PTK2B: variants seen among roughly 807,000 people sequenced by gnomAD.
PTK2B encodes the protein protein-tyrosine kinase 2-beta.
A neutral mutation model predicts 142.9 loss-of-function variants in PTK2B; 71 were observed. The observed-to-expected ratio is 0.50, with a 90% CI of 0.41 to 0.61. The LOEUF is 0.61. PTK2B is among the 20% of genes least tolerant of loss of function. PTK2B has a pLI of 0.00. For missense variants in PTK2B, 1,105 were observed against 1,320.4 expected (o/e 0.84, Z 2.53); for synonymous variants, 519 against 503.4 (o/e 1.03, Z -0.42).
upstream of PTK2B, among the ~76,000 whole-genome samples, chr8:27,321,997 CTT>C (rs549210899): frequency 2.1e-5 from 3 of 145,300 alleles, no homozygotes; most frequent in Admixed American, 6.9e-5. Context: ...TTCTTTGTCC[CTT>C]TTTTTTTTTA....
upstream of PTK2B, chr8:27,325,390 G>A (rs1209127426): frequency 2.0e-5 from 3 of 152,226 alleles, no homozygotes; most frequent in Admixed American, 6.5e-5. Context: ...AGGTCTGCCC[G>A]GCGCTCAGGG....
intron 2 of PTK2B, among the ~76,000 whole-genome samples, chr8:27,410,929 C>T (rs1809019586): frequency 6.6e-6 from 1 of 152,132 alleles, no homozygotes. Flanking sequence ...TTAATGTTTG[C>T]AAGAAAGCAT....
chr8:27,420,489 G>A (rs555686102), intron 3 of PTK2B, among the ~76,000 whole-genome samples, 168 bp from the exon 4 acceptor site: 2 of 152,168 alleles, frequency 1.3e-5, no homozygotes, highest in Non-Finnish European at 2.9e-5. Context: ...CAGCCCAACC[G>A]CAGAGGAGGG....
At chr8:27,441,465 T>C (rs1240507202) in intron 21 of PTK2B, among the ~76,000 whole-genome samples, 1 of 152,184 alleles carries the variant, frequency 6.6e-6, no homozygotes, top group Non-Finnish European at 1.5e-5. Context: ...TAATACTGAT[T>C]TTAAATACTG....
intron 23 of PTK2B, 98 bp from the exon 24 acceptor site, chr8:27,445,696 G>A: frequency 6.5e-7 from 1 of 1,538,450 alleles, no homozygotes; most frequent in South Asian, 1.1e-5. Context: ...TCCCTGTGGT[G>A]CTCATGCATA....
intron 13 of PTK2B, 50 bp from the exon 14 acceptor site, chr8:27,435,693 G>A (rs762819713): frequency 1.0e-5 from 16 of 1,603,270 alleles, no homozygotes; most frequent in Middle Eastern, 1.7e-4. Flanking sequence ...TCCTGGCGGT[G>A]CCCACCAAGG....
At position 27,315,782 on chromosome 8, in the gene PTK2B, A is replaced by G. The variant is rs545239249; in HGVS notation, c.-414+2495A>G. 7.9e-5 allele frequency among the ~76,000 whole-genome samples: 12 copies of G among 152,336 alleles called. No homozygotes were observed. In the South Asian group the frequency reaches 2.5e-3, roughly 32 times the overall value. On this transcript the variant is annotated intron_variant, in intron 3 of 35. Transcript: ENST00000397501. The stretch of plus-strand genomic sequence containing the variant: ...GGAAATCCAGAAAGGACTTAGTTCT[A>G]GTCCAAGCTCTACCACTACCCAGGG...
In PTK2B at chr8:27,397,754, A is replaced by G. The variant is rs778816972; in HGVS notation, c.170A>G (p.Lys57Arg). The stretch of plus-strand genomic sequence containing the variant: ...AGCTTCAATCCTGGGAAAAACTTCA[A>G]ACTGGTCAAATGCACTGTCCAGACG... The part of the protein sequence containing the change: ...SNSFNPGKNF[K>R]LVKCTVQTEI... Residue 57 changes from lysine (K) to arginine (R), a missense_variant, in exon 2 of 31, where the codon AAA (lysine) becomes AGA (arginine). By Grantham distance (26) the Lys-to-Arg change is conservative. Coordinates refer to ENST00000346049, the MANE Select transcript of PTK2B (RefSeq NM_173176.3). 2 of 1,614,250 alleles carry G rather than the reference A, an allele frequency of 1.2e-6. No individual in the cohort carries two copies. Among genetic ancestry groups the G allele is most frequent in the Non-Finnish European group, 1.7e-6 (2 of 1,180,032 alleles).
At chr8:27,360,612 G>C (rs901758318) in intron 1 of PTK2B, among the ~76,000 whole-genome samples, 3 of 150,972 alleles carry the variant, frequency 2.0e-5, no homozygotes, top group Non-Finnish European at 4.4e-5. Context: ...ACCCCATGGC[G>C]ATGCAATCAT....
rs376744941 is a variant in PTK2B, at chr8:27,442,861, G to T, written c.2040-14G>T. ...GACCTAGTTTCTCTCCTTATCTGACGTGACTCCCTGCAGTGACGTTTATCA... is the reference window on the plus strand; with the variant it reads ...GACCTAGTTTCTCTCCTTATCTGACTTGACTCCCTGCAGTGACGTTTATCA... On this transcript the variant is annotated splice_polypyrimidine_tract_variant and intron_variant, in intron 21 of 30. Transcript: ENST00000346049. 1.8e-5 allele frequency: 29 copies of T among 1,606,296 alleles called. No homozygotes were observed. The highest frequency in any genetic ancestry group is 1.6e-4 in the East Asian group (7 of 44,860).
intron 1 of PTK2B, among the ~76,000 whole-genome samples, chr8:27,332,316 T>C (rs1182124166): frequency 6.6e-6 from 1 of 152,192 alleles, no homozygotes. Flanking sequence ...GCCTCCCTAA[T>C]AGGGTAATGG....
chr8:27,369,171 T>A (rs1217772551), intron 1 of PTK2B, among the ~76,000 whole-genome samples: 2 of 152,190 alleles, frequency 1.3e-5, no homozygotes, highest in African/African-American at 4.8e-5. Context: ...CAACCTCCAC[T>A]TCCCTCTTCT....
chr8:27,373,479 C>T (rs539606457), intron 1 of PTK2B, among the ~76,000 whole-genome samples: 19 of 152,204 alleles, frequency 1.2e-4, no homozygotes, highest in Non-Finnish European at 2.6e-4. Context: ...GGAGAGGACC[C>T]GTTGCTCCTC....
In PTK2B at chr8:27,458,970, G is replaced by T. The variant is rs1335953198; in HGVS notation, c.*461G>T. ...CTTTGTTTTGGGGGTCAGGCAGCCAGTGAGATGAGGGATGGGCCTGGCATT... is the reference window on the plus strand; with the variant it reads ...CTTTGTTTTGGGGGTCAGGCAGCCATTGAGATGAGGGATGGGCCTGGCATT... On this transcript the variant is annotated 3_prime_UTR_variant, in exon 31 of 31. Transcript: ENST00000346049. The T allele has an allele frequency of 9.4e-6, 3 of 319,152 alleles. No homozygotes were observed. Among genetic ancestry groups the T allele is most frequent in the Non-Finnish European group, 1.8e-5 (3 of 169,442 alleles). The allele number at this position is 319,152 out of a possible 1,614,324, so 19.8% of individuals were successfully genotyped here. A position where few individuals can be genotyped will look rare whatever the true frequency, so the allele number is the denominator to read the frequency against.
intron 22 of PTK2B, among the ~76,000 whole-genome samples, chr8:27,443,609 TTCTTA>T (rs2132297486): frequency 6.6e-6 from 1 of 152,314 alleles, no homozygotes; most frequent in South Asian, 2.1e-4. Context: ...TTTCTTTCTC[TTCTTA>T]TAAGGGCTCC....
At chr8:27,440,176 G>A (rs2132230538) in intron 20 of PTK2B, 61 bp from the exon 21 acceptor site, 1 of 1,529,244 alleles carries the variant, frequency 6.5e-7, no homozygotes, top group Middle Eastern at 1.9e-4. Context: ...TGGCGATGGT[G>A]CTTCTGGGTG....
Position 27,418,284 on chromosome 8 carries a change from G to A in PTK2B, c.205-1611G>A, listed in dbSNP as rs530959377. Among the ~76,000 whole-genome samples the A allele has an allele frequency of 1.6e-4, 24 of 152,320 alleles. No homozygotes were observed. In the South Asian group the frequency reaches 1.7e-3, roughly 11 times the overall value. On this transcript the variant is annotated intron_variant, in intron 2 of 30. Transcript: ENST00000346049. ...AGGGCTAGCAAGAGGCAGTTAGCCC[G>A]AGACAGATGGGTGCCCAGGCAAGCA...
chr8:27,430,613 G>A (rs915530186), intron 7 of PTK2B, among the ~76,000 whole-genome samples, 195 bp downstream of exon 7: 2 of 152,260 alleles, frequency 1.3e-5, no homozygotes, highest in Middle Eastern at 3.4e-3. Context: ...CCTGGGCTCC[G>A]GCTCCGTATC....
intron 3 of PTK2B, among the ~76,000 whole-genome samples, chr8:27,316,288 G>A (rs955028399): frequency 6.7e-6 from 1 of 148,342 alleles, no homozygotes. Context: ...GGAGGAAATT[G>A]CCTTGTTTTT....
Sources: gnomAD v4.1 joint callset for allele counts (sites outside exome capture counted in the v4.1 genomes callset) on GRCh38, gnomAD v4.1.1 for gene constraint, MANE v1.5 for transcripts, NCBI Gene and HGNC (gene_info 2026-07-23, HGNC 2026-07-21) for gene names.